Variants in ELL3 observed in about 807,000 individuals in gnomAD.
The protein encoded by ELL3 is elongation factor for RNA polymerase II 3.
Under a neutral mutation model 58.5 loss-of-function variants are expected in ELL3, and 48 were observed. The ratio of observed to expected loss-of-function variants is 0.82; its 90% CI spans 0.65 to 1.04. The LOEUF is 1.04. Among genes scored for constraint, ELL3 ranks in the 50% least tolerant of loss-of-function variants. The pLI is 0.00. For missense variants in ELL3, 458 were observed against 478.4 expected, an observed-to-expected ratio of 0.96 and a Z score of 0.40; for synonymous variants, 174 against 173.2, an observed-to-expected ratio of 1.00 and a Z score of -0.04.
rs369931248 is a variant in ELL3, at chr15:43,775,652, C to G, written c.484-42G>C. The G allele has an allele frequency of 2.5e-6, 4 of 1,613,948 alleles. No homozygotes were observed. In the African/African-American group the frequency reaches 5.3e-5, roughly 22 times the overall value. ...CAGGAGCACTTGGTTCCCTGGAGTA[C>G]TGGGATACCTTGGACTTCAGGCTTT... On this transcript the variant is annotated intron_variant, in intron 4 of 10. Transcript: ENST00000319359.
chr15:43,774,120 G>A, intron 9 of ELL3, 62 bp downstream of exon 9: 6 of 1,584,568 alleles, frequency 3.8e-6, no homozygotes, highest in Non-Finnish European at 4.3e-6. Context: ...CAGGTGTATG[G>A]ATGGTTAGCA....
chr15:43,774,508 G>A lies in ELL3; in HGVS notation c.834C>T (p.Ser278=). 6.2e-7 allele frequency: 1 copy of A among 1,614,146 alleles called. No homozygotes were observed. Among genetic ancestry groups the A allele is most frequent in the East Asian group, 2.2e-5 (1 of 44,884 alleles). The change falls in exon 8 of 11, where the codon TCC becomes TCT. Residue 278 remains serine, a synonymous_variant. Coordinates refer to ENST00000319359, the MANE Select transcript of ELL3 (RefSeq NM_025165.3). ...AGTCTGGTATATCTTCAGGACTTGGGGATTCAGAATCTAGGAAGGAAGCAA... is the reference window on the plus strand; with the variant it reads ...AGTCTGGTATATCTTCAGGACTTGGAGATTCAGAATCTAGGAAGGAAGCAA... The part of the protein sequence containing the change: ...HSSSVQEDSE[S]PSPEDIPDYL...
rs991159131 is a variant in ELL3, at chr15:43,776,293, G to C, written c.169-142C>G. The stretch of plus-strand genomic sequence containing the variant: ...TAGCACACCAGGTGCAGCTGGGCCT[G>C]AGTTCCCCAGGAGGCCGAAACAGCA... On this transcript the variant is annotated intron_variant, in intron 2 of 10. Coordinates refer to ENST00000319359, the MANE Select transcript of ELL3 (RefSeq NM_025165.3). 22 of 1,086,638 alleles carry C rather than the reference G, an allele frequency of 2.0e-5. No individual in the cohort carries two copies. In the African/African-American group the frequency reaches 2.2e-4, roughly 11 times the overall value. The allele number at this position is 1,086,638 out of a possible 1,614,324, so 67.3% of individuals were successfully genotyped here.
chr15:43,774,561 C>T, intron 7 of ELL3, 35 bp downstream of exon 7: 2 of 1,614,022 alleles, frequency 1.2e-6, no homozygotes, highest in Middle Eastern at 1.6e-4. Flanking sequence ...TAAGTCTTTT[C>T]CACTGGCATT....
chr15:43,773,426 G>C, intron 9 of ELL3, 78 bp from the exon 10 acceptor site: 1 of 1,522,524 alleles, frequency 6.6e-7, no homozygotes, highest in Non-Finnish European at 9.0e-7. Flanking sequence ...GCTCACGCCT[G>C]TAATCCCAGC....
chr15:43,775,740 T>C lies in ELL3; in HGVS notation c.465A>G (p.Pro155=). 6.2e-7 allele frequency: 1 copy of C among 1,614,188 alleles called. No homozygotes were observed. Among genetic ancestry groups the C allele is most frequent in the Non-Finnish European group, 8.5e-7 (1 of 1,180,046 alleles). The part of the protein sequence containing the change: ...GYSEGDAVSQ[P]QMALEEVSVS... ...CACCCACCTCCTCTAGTGCCATCTGTGGCTGTGATACTGCATCTCCTTCAG... is the reference window on the plus strand; with the variant it reads ...CACCCACCTCCTCTAGTGCCATCTGCGGCTGTGATACTGCATCTCCTTCAG... The change falls in exon 4 of 11, where the codon CCA becomes CCG. Residue 155 remains proline (P), a synonymous_variant. Coordinates refer to ENST00000319359, the MANE Select transcript of ELL3 (RefSeq NM_025165.3).
In ELL3 at chr15:43,776,962, CCT is replaced by C. The variant is rs2141663554; in HGVS notation, c.-63_-62del. 1 of 1,596,650 alleles carries C rather than the reference CCT, an allele frequency of 6.3e-7. No homozygotes were observed. Among genetic ancestry groups the C allele is most frequent in the East Asian group, 2.2e-5 (1 of 44,644 alleles). On this transcript the variant is annotated 5_prime_UTR_variant, in exon 1 of 11. Coordinates refer to ENST00000319359, the MANE Select transcript of ELL3 (RefSeq NM_025165.3). ...CAGGCGAGGGCCACCACCGCCACCT[CCT>C]CTGTTCAGGGTTTGGTTGGCACACC... is the stretch of plus-strand genomic sequence containing the variant.
At chr15:43,773,457 G>T in intron 9 of ELL3, 109 bp from the exon 10 acceptor site, 1 of 1,164,754 alleles carries the variant, frequency 8.6e-7, no homozygotes, top group Non-Finnish European at 1.2e-6. Context: ...GCTGAGGCAG[G>T]CAGATAACGA....
chr15:43,774,147 T>C, intron 9 of ELL3, 35 bp downstream of exon 9: 1 of 1,607,980 alleles, frequency 6.2e-7, no homozygotes, highest in South Asian at 1.1e-5. Context: ...TAATGGCCAG[T>C]AGAGCTGGAA....
rs1567160993 is a variant in ELL3 at position 43,773,173 on chromosome 15, T to C, written c.1137A>G (p.Lys379=). Residue 379 remains lysine (K), a synonymous_variant, in exon 11 of 11, where the codon AAA becomes AAG. Transcript: ENST00000319359. ...EKRRCEYLHQ[K]LSHIKGLILE... is the part of the protein sequence containing the mutation. ...GGATGAGACCTTTAATGTGGGACAA[T>C]TTCTGGTGAAGGTACTCACAGCGAC... is the stretch of plus-strand genomic sequence containing the variant. 2 of 1,613,986 alleles carry C rather than the reference T, an allele frequency of 1.2e-6. No individual in the cohort carries two copies. Among genetic ancestry groups the C allele is most frequent in the Non-Finnish European group, 8.5e-7 (1 of 1,179,978 alleles).
rs2086898394 is a variant in ELL3, at chr15:43,774,234, A to G, written c.986T>C (p.Ile329Thr). 4 of 1,614,162 alleles carry G rather than the reference A, an allele frequency of 2.5e-6. No individual in the cohort carries two copies. The highest frequency in any genetic ancestry group is 1.6e-4 in the Middle Eastern group (1 of 6,062). Residue 329 changes from isoleucine to threonine, a missense_variant, in exon 9 of 11, where the codon ATA becomes ACA. Physicochemically the swap from Ile to Thr is moderately conservative, Grantham distance 89. Transcript: ENST00000319359. ...TCTTTTAATCTCTGCTCCCAGCTCT[A>G]TGAACCTTTGGCTTGCAGTCCCAAC... is the stretch of plus-strand genomic sequence containing the variant. ...ARVGTASQRFIELGAEIKRVR... is the reference protein window; with the variant it reads ...ARVGTASQRFTELGAEIKRVR...
At position 43,772,802 on chromosome 15, in the gene ELL3, CATT is replaced by C; in HGVS notation, c.*311_*313del. 4.5e-6 allele frequency: 1 copy of C among 223,434 alleles called. No individual in the cohort carries two copies. The highest frequency in any genetic ancestry group is 9.5e-5 in the East Asian group (1 of 10,472). The allele number at this position is 223,434 out of a possible 1,614,324, so 13.8% of individuals were successfully genotyped here. A position where few individuals can be genotyped will look rare whatever the true frequency, so the allele number is the denominator to read the frequency against. On this transcript the variant is annotated 3_prime_UTR_variant, in exon 11 of 11. Transcript: ENST00000319359. ...CTTAGTTTGGTTTGTCTAATGTCCT[CATT>C]ATTTTATCCTGAAGATGATGTCATT...
intron 2 of ELL3, 52 bp downstream of exon 2, chr15:43,776,457 G>A: frequency 6.4e-7 from 1 of 1,554,040 alleles, no homozygotes; most frequent in Non-Finnish European, 8.7e-7. Flanking sequence ...TCCAGCCCAC[G>A]TTTATGCTCC....
In ELL3 at chr15:43,774,521, A is replaced by G. The variant is rs376344707; in HGVS notation, c.824-3T>C. ...TTCAGGACTTGGGGATTCAGAATCTAGGAAGGAAGCAAGAAAACACAAGTG... is the reference window on the plus strand; with the variant it reads ...TTCAGGACTTGGGGATTCAGAATCTGGGAAGGAAGCAAGAAAACACAAGTG... On this transcript the variant is annotated splice_region_variant and splice_polypyrimidine_tract_variant and intron_variant, in intron 7 of 10. Coordinates refer to ENST00000319359, the MANE Select transcript of ELL3 (RefSeq NM_025165.3). 2 of 1,614,068 alleles carry G rather than the reference A, an allele frequency of 1.2e-6. No homozygotes were observed. The highest frequency in any genetic ancestry group is 1.7e-6 in the Non-Finnish European group (2 of 1,180,038).
Position 43,776,862 on chromosome 15 carries a change from G to A in ELL3, c.40C>T (p.Leu14Phe). 1 of 1,611,800 alleles carries A rather than the reference G, an allele frequency of 6.2e-7. No individual in the cohort carries two copies. Among genetic ancestry groups the A allele is most frequent in the East Asian group, 2.2e-5 (1 of 44,870 alleles). Reference protein sequence around the residue: ...LQEPLRGQLRLCFTQAARTSL... With the variant: ...LQEPLRGQLRFCFTQAARTSL... ...GTCCGGGCAGCTTGCGTGAAGCAGA[G>A]CCGGAGCTGTCCTCTCAGAGGCTCC... Residue 14 changes from leucine (L) to phenylalanine (F), a missense_variant, in exon 1 of 11, where the codon CTC (leucine) becomes TTC (phenylalanine). Transcript: ENST00000319359.
At chr15:43,775,187 T>A (rs1167662069) in intron 6 of ELL3, 119 bp downstream of exon 6, 8 of 995,950 alleles carry the variant, frequency 8.0e-6, no homozygotes, top group Admixed American at 5.9e-5. Flanking sequence ...ATTCCTCCCA[T>A]ATAACGAGCT....
chr15:43,774,114 T>G, intron 9 of ELL3, 68 bp downstream of exon 9: 1 of 1,572,182 alleles, frequency 6.4e-7, no homozygotes, highest in Admixed American at 1.8e-5. Context: ...TAAACACAGG[T>G]GTATGGATGG....
chr15:43,774,845 C>T (rs1365053229), intron 6 of ELL3, 72 bp from the exon 7 acceptor site: 2 of 1,467,968 alleles, frequency 1.4e-6, no homozygotes, highest in Non-Finnish European at 1.8e-6. Context: ...TCAAGAATTT[C>T]TCCTAGGCTG....
chr15:43,776,351 C>T (rs2086916860), intron 2 of ELL3, 158 bp downstream of exon 2: 14 of 1,293,310 alleles, frequency 1.1e-5, no homozygotes, highest in Non-Finnish European at 1.4e-5. Context: ...CCTGGGACAA[C>T]CCCAGCAGCC....
Sources: allele counts gnomAD v4.1 joint callset, GRCh38; gene constraint gnomAD v4.1.1; transcripts MANE v1.5; gene names NCBI Gene and HGNC (gene_info 2026-07-23, HGNC 2026-07-21).